Variants in TACR1 observed in about 807,000 individuals in gnomAD.
TACR1 encodes the protein tachykinin receptor 1.
In TACR1, 25 loss-of-function variants were observed where a neutral mutation model predicts 35.8. The observed-to-expected ratio is 0.70, with a 90% confidence interval of 0.51 to 0.98. The LOEUF (loss-of-function observed/expected upper bound fraction) is 0.98. TACR1 is among the 50% of genes least tolerant of loss of function. The pLI is 0.00. For missense variants in TACR1, 478 were observed against 522.9 expected (o/e 0.91, Z 0.84); for synonymous variants, 195 against 206.7 (o/e 0.94, Z 0.48).
At chr2:75,137,728 C>CAAAAAA (rs11326632) in intron 1 of TACR1, among the ~76,000 whole-genome samples, 54 of 47,526 alleles carry the variant, frequency 1.1e-3, no homozygotes, top group South Asian at 2.2e-3. Flanking sequence ...GTCTCCGTCT[C>CAAAAAA]AAAAAAAAAA....
At chr2:75,075,313 G>A (rs966399897) in intron 2 of TACR1, among the ~76,000 whole-genome samples, 1 of 152,214 alleles carries the variant, frequency 6.6e-6, no homozygotes, top group Non-Finnish European at 1.5e-5. Context: ...CTTATTTACT[G>A]CTGGTGGGTG....
chr2:75,106,687 CATT>C (rs1201707319), intron 2 of TACR1, among the ~76,000 whole-genome samples: 1 of 151,630 alleles, frequency 6.6e-6, no homozygotes. Context: ...TGCCAAGTGA[CATT>C]ATAAATATTG....
intron 1 of TACR1, among the ~76,000 whole-genome samples, chr2:75,178,841 T>C (rs981466320): frequency 3.3e-5 from 5 of 152,268 alleles, no homozygotes; most frequent in African/African-American, 7.2e-5. Flanking sequence ...TTATTCCTTG[T>C]TGGTCATATT....
intron 3 of TACR1, 71 bp downstream of exon 3, chr2:75,053,534 A>G (rs1573456709): frequency 2.1e-6 from 3 of 1,430,548 alleles, no homozygotes; most frequent in Admixed American, 5.3e-5. Flanking sequence ...GGGGCTCACA[A>G]GTGTGCCATC....
chr2:75,152,211 G>A (rs1674689196), intron 1 of TACR1, among the ~76,000 whole-genome samples: 1 of 152,160 alleles, frequency 6.6e-6, no homozygotes, highest in Non-Finnish European at 1.5e-5. Flanking sequence ...TTTGAAATGT[G>A]AGAACATGAG....
At chr2:75,055,198 T>C (rs1672546445) in intron 2 of TACR1, among the ~76,000 whole-genome samples, 1 of 152,280 alleles carries the variant, frequency 6.6e-6, no homozygotes, top group Non-Finnish European at 1.5e-5. Context: ...CCTTTGTAGA[T>C]ACTGTTTGCT....
chr2:75,057,368 CT>C (rs1023590391), intron 2 of TACR1, among the ~76,000 whole-genome samples: 5 of 152,184 alleles, frequency 3.3e-5, no homozygotes, highest in African/African-American at 7.2e-5. Context: ...GACCCCACCC[CT>C]ATCTCCCTTC....
At chr2:75,190,656 C>A (rs1353163247) in intron 1 of TACR1, among the ~76,000 whole-genome samples, 7 of 152,138 alleles carry the variant, frequency 4.6e-5, no homozygotes, top group Non-Finnish European at 2.9e-5. Context: ...TCCCTCTCTT[C>A]TTACCTTCTA....
intron 1 of TACR1, among the ~76,000 whole-genome samples, chr2:75,193,636 T>C (rs1037819771): frequency 6.6e-6 from 1 of 152,218 alleles, no homozygotes. Flanking sequence ...CAGCTTCTTC[T>C]ACCTGAAAGG....
At chr2:75,052,148 G>T (rs1014970594) in intron 3 of TACR1, among the ~76,000 whole-genome samples, 2 of 152,170 alleles carry the variant, frequency 1.3e-5, no homozygotes, top group African/African-American at 4.8e-5. Flanking sequence ...AACCCCTAAG[G>T]TGATGGTATT....
intron 3 of TACR1, among the ~76,000 whole-genome samples, chr2:75,052,254 G>T (rs1285658912): frequency 6.6e-6 from 1 of 152,064 alleles, no homozygotes; most frequent in East Asian, 1.9e-4. Flanking sequence ...AAGACCCCTT[G>T]CCCCTTCCAC....
In TACR1 at chr2:75,154,484, C is replaced by T. The variant is rs1366468618; in HGVS notation, c.390-33716G>A. ...AAACCCAGTGGAGATTCAGCACTAA[C>T]CCACCACACACACACACACACACAC... On this transcript the variant is annotated intron_variant, in intron 1 of 4. Transcript: ENST00000305249. 6.4e-5 allele frequency: 3 copies of T among 47,064 alleles called. 1 individual carries two copies. Among genetic ancestry groups the T allele is most frequent in the Non-Finnish European group, 1.3e-4 (3 of 23,264 alleles). The allele number at this position is 47,064 out of a possible 1,614,324, so 2.9% of individuals were successfully genotyped here.
At chr2:75,183,891 G>C (rs1675620228) in intron 1 of TACR1, among the ~76,000 whole-genome samples, 1 of 152,190 alleles carries the variant, frequency 6.6e-6, no homozygotes, top group African/African-American at 2.4e-5. Context: ...TGCATGATGA[G>C]TAAACAGAGA....
intron 2 of TACR1, among the ~76,000 whole-genome samples, chr2:75,093,608 C>T (rs546543162): frequency 1.3e-5 from 2 of 152,120 alleles, no homozygotes; most frequent in Admixed American, 6.6e-5. Context: ...GCAGGAGCTC[C>T]CTGCCTTGTA....
chr2:75,185,588 A>G (rs1480013518), intron 1 of TACR1, among the ~76,000 whole-genome samples: 2 of 152,216 alleles, frequency 1.3e-5, no homozygotes, highest in Non-Finnish European at 1.5e-5. Flanking sequence ...AATAACAAAT[A>G]TATTAAAATA....
chr2:75,061,398 G>T (rs1391667379), intron 2 of TACR1, among the ~76,000 whole-genome samples: 1 of 152,098 alleles, frequency 6.6e-6, no homozygotes. Context: ...GGAAGCAGTA[G>T]GTGTAGATTC....
Position 75,120,723 on chromosome 2 carries a change from T to C in TACR1, c.435A>G (p.Thr145=). ...IHPLQPRLSA[T]ATKVVICVIW... ...TGACACAGATGACCACTTTGGTGGC[T>C]GTGGCTGACAGCCGGGGCTGGAGGG... Residue 145 remains threonine (T), a synonymous_variant, in exon 2 of 5, where the codon ACA becomes ACG. Coordinates refer to ENST00000305249, the MANE Select transcript of TACR1 (RefSeq NM_001058.4). 6.2e-7 allele frequency: 1 copy of C among 1,613,872 alleles called. No homozygotes were observed. The highest frequency in any genetic ancestry group is 1.1e-5 in the South Asian group (1 of 91,044).
chr2:75,171,900 A>T (rs919531252), intron 1 of TACR1, among the ~76,000 whole-genome samples: 2 of 151,978 alleles, frequency 1.3e-5, no homozygotes, highest in African/African-American at 4.8e-5. Flanking sequence ...CTCAGATGAG[A>T]CTTTGGACTG....
At chr2:75,104,075 A>G (rs1367727144) in intron 2 of TACR1, among the ~76,000 whole-genome samples, 2 of 152,112 alleles carry the variant, frequency 1.3e-5, no homozygotes, top group Non-Finnish European at 2.9e-5. Context: ...CCTTGAAAAC[A>G]GAAAATAAGT....
Sources: gnomAD v4.1 joint callset for allele counts (sites outside exome capture counted in the v4.1 genomes callset) on GRCh38, gnomAD v4.1.1 for gene constraint, MANE v1.5 for transcripts, NCBI Gene and HGNC (gene_info 2026-07-23, HGNC 2026-07-21) for gene names.